The following CD2AP variants were observed in gnomAD, a reference collection of about 807,000 sequenced individuals.
CD2AP encodes CD2 associated protein.
CD2AP carries 46 observed loss-of-function variants against 85.1 expected under a neutral mutation model. The observed-to-expected ratio is 0.54, with a 90% CI of 0.43 to 0.69. CD2AP has a LOEUF of 0.69. CD2AP is among the 30% of genes least tolerant of loss of function. The pLI, the probability that CD2AP is intolerant of heterozygous loss-of-function variation, is 0.00. For missense variants in CD2AP, 769 were observed against 729.5 expected (o/e 1.05, Z -0.62); for synonymous variants, 255 against 252.9 (o/e 1.01, Z -0.08).
chr6:47,547,151 G>A (rs1446023957), intron 4 of CD2AP, among the ~76,000 whole-genome samples: 1 of 151,932 alleles, frequency 6.6e-6, no homozygotes, highest in African/African-American at 2.4e-5. Context: ...AAAAACTCAG[G>A]TATATAGGCA....
rs1360673535 is a variant in CD2AP at position 47,533,707 on chromosome 6, C to G, written c.271C>G (p.Pro91Ala). 1 of 1,614,052 alleles carries G rather than the reference C, an allele frequency of 6.2e-7. No individual in the cohort carries two copies. Among genetic ancestry groups the G allele is most frequent in the Non-Finnish European group, 8.5e-7 (1 of 1,179,980 alleles). Reference protein sequence around the residue: ...LVQRISTYGLPAGGIQPHPQT... With the variant: ...LVQRISTYGLAAGGIQPHPQT... ...ACAACGAATAAGCACCTATGGACTTCCAGCTGGAGGAATTCAGCCACATCC... is the reference window on the plus strand; with the variant it reads ...ACAACGAATAAGCACCTATGGACTTGCAGCTGGAGGAATTCAGCCACATCC... Residue 91 changes from proline to alanine, a missense_variant, in exon 3 of 18, where the codon CCA (proline) becomes GCA (alanine). Pro to Ala is a conservative substitution (Grantham distance 27). Transcript: ENST00000359314.
chr6:47,499,309 G>A (rs1765945265), intron 1 of CD2AP, among the ~76,000 whole-genome samples: 1 of 151,012 alleles, frequency 6.6e-6, no homozygotes, highest in Admixed American at 6.6e-5. Flanking sequence ...GTATGTGCAT[G>A]TGTGTGTGTG....
At chr6:47,511,591 A>G (rs1214831493) in intron 2 of CD2AP, among the ~76,000 whole-genome samples, 1 of 152,216 alleles carries the variant, frequency 6.6e-6, no homozygotes, top group Admixed American at 6.5e-5. Context: ...CTGAATTAAG[A>G]GTGTGGGAAC....
At chr6:47,479,307 A>G (rs936624020) in intron 1 of CD2AP, among the ~76,000 whole-genome samples, 1 of 152,238 alleles carries the variant, frequency 6.6e-6, no homozygotes, top group African/African-American at 2.4e-5. Flanking sequence ...CATGTAATTA[A>G]CAAATGATTT....
At chr6:47,579,359 C>CT in intron 8 of CD2AP, 26 bp from the exon 9 acceptor site, 5 of 933,956 alleles carry the variant, frequency 5.4e-6, no homozygotes, top group Non-Finnish European at 8.7e-6. Context: ...GGTCTATTGT[C>CT]TTAATTATTC....
chr6:47,614,439 G>A (rs985029617), intron 17 of CD2AP, among the ~76,000 whole-genome samples: 2 of 152,130 alleles, frequency 1.3e-5, no homozygotes, highest in African/African-American at 4.8e-5. Flanking sequence ...AAGTAGAGGG[G>A]GAGAGAGTCA....
At chr6:47,569,857 C>T (rs916611120) in intron 5 of CD2AP, among the ~76,000 whole-genome samples, 1 of 152,156 alleles carries the variant, frequency 6.6e-6, no homozygotes, top group Non-Finnish European at 1.5e-5. Context: ...TCACCTTATA[C>T]TCCTCCTGGT....
intron 12 of CD2AP, among the ~76,000 whole-genome samples, chr6:47,596,663 T>C (rs1396490233): frequency 1.3e-5 from 2 of 152,130 alleles, no homozygotes; most frequent in East Asian, 1.9e-4. Flanking sequence ...CATTCATCCA[T>C]TGATACTTTA....
At chr6:47,569,395 T>A (rs147643584) in intron 5 of CD2AP, among the ~76,000 whole-genome samples, 1 of 152,188 alleles carries the variant, frequency 6.6e-6, no homozygotes, top group African/African-American at 2.4e-5. Context: ...AGGAAGATAT[T>A]TCTGACTTTT....
intron 17 of CD2AP, among the ~76,000 whole-genome samples, chr6:47,614,901 T>G (rs2114157069): frequency 6.6e-6 from 1 of 152,374 alleles, no homozygotes; most frequent in South Asian, 2.1e-4. Context: ...GAGTTTATCT[T>G]AATTCTCCAC....
At chr6:47,541,222 C>T (rs918150999) in intron 3 of CD2AP, among the ~76,000 whole-genome samples, 3 of 152,200 alleles carry the variant, frequency 2.0e-5, no homozygotes, top group Non-Finnish European at 4.4e-5. Flanking sequence ...TTCCCAGGTT[C>T]ATGCCATCCT....
intron 17 of CD2AP, 97 bp from the exon 18 acceptor site, chr6:47,624,089 G>T: frequency 9.7e-7 from 1 of 1,027,188 alleles, no homozygotes; most frequent in East Asian, 2.5e-5. Flanking sequence ...AAAGTCTGAA[G>T]GCTTGAAAGT....
At chr6:47,566,484 T>C (rs1768007258) in intron 5 of CD2AP, among the ~76,000 whole-genome samples, 2 of 151,884 alleles carry the variant, frequency 1.3e-5, no homozygotes, top group African/African-American at 4.8e-5. Flanking sequence ...GAGTTTTTGT[T>C]GTTGTTGTTG....
chr6:47,493,827 T>G lies in CD2AP; in HGVS notation c.5-9453T>G, dbSNP rs1021638842. Among the ~76,000 whole-genome samples the G allele has an allele frequency of 2.6e-5, 4 of 152,198 alleles. 1 individual carries two copies. In the East Asian group the frequency reaches 7.7e-4, roughly 29 times the overall value. ...CTCTTCAAGCTTACTGATTCTTTCC[T>G]TGGCTATGTATAGTCTACTGATGAA... On this transcript the variant is annotated intron_variant, in intron 1 of 17. Coordinates refer to ENST00000359314, the MANE Select transcript of CD2AP (RefSeq NM_012120.3).
At chr6:47,579,552 A>T (rs1768414540) in intron 9 of CD2AP, 63 bp downstream of exon 9, 2 of 1,080,018 alleles carry the variant, frequency 1.9e-6, no homozygotes, top group South Asian at 2.6e-5. Context: ...ATTCTTTTGC[A>T]AACAAGTTTT....
In CD2AP at chr6:47,533,710, G is replaced by T. The variant is rs1273508514; in HGVS notation, c.274G>T (p.Ala92Ser). ...ACGAATAAGCACCTATGGACTTCCA[G>T]CTGGAGGAATTCAGCCACATCCACA... ...VQRISTYGLP[A>S]GGIQPHPQTK... is the part of the protein sequence containing the mutation. Residue 92 changes from alanine (A) to serine (S), a missense_variant, in exon 3 of 18, where the codon GCT (alanine) becomes TCT (serine). Physicochemically the swap from Ala to Ser is moderately conservative, Grantham distance 99. Transcript: ENST00000359314. 6.2e-7 allele frequency: 1 copy of T among 1,614,004 alleles called. No homozygotes were observed. The highest frequency in any genetic ancestry group is 8.5e-7 in the Non-Finnish European group (1 of 1,180,008).
At chr6:47,492,276 A>G (rs1440882145) in intron 1 of CD2AP, among the ~76,000 whole-genome samples, 1 of 150,160 alleles carries the variant, frequency 6.7e-6, no homozygotes, top group Non-Finnish European at 1.5e-5. Flanking sequence ...TTTGGTGTCT[A>G]GTGAGGAAAG....
chr6:47,564,189 G>A (rs1767933709), intron 5 of CD2AP, among the ~76,000 whole-genome samples: 1 of 151,648 alleles, frequency 6.6e-6, no homozygotes, highest in Non-Finnish European at 1.5e-5. Flanking sequence ...AATTTAATGG[G>A]GCATTCATCT....
intron 11 of CD2AP, among the ~76,000 whole-genome samples, chr6:47,588,308 T>C (rs1382345995): frequency 6.6e-6 from 1 of 152,160 alleles, no homozygotes; most frequent in Non-Finnish European, 1.5e-5. Context: ...TTAAACTCCA[T>C]GAGGGAAAAG....
Sources: allele counts gnomAD v4.1 joint callset (sites outside exome capture counted in the v4.1 genomes callset), GRCh38; gene constraint gnomAD v4.1.1; transcripts MANE v1.5; gene names NCBI Gene and HGNC (gene_info 2026-07-23, HGNC 2026-07-21).